Variants in ARMC2 observed in about 807,000 individuals in gnomAD.
ARMC2 encodes armadillo repeat-containing protein 2.
A neutral mutation model predicts 90.3 loss-of-function variants in ARMC2; 67 were observed. The ratio of observed to expected loss-of-function variants is 0.74; its 90% CI spans 0.61 to 0.91. The LOEUF is 0.91. ARMC2 is among the 40% of genes least tolerant of loss of function. The pLI, the probability that ARMC2 is intolerant of heterozygous loss-of-function variation, is 0.00. For synonymous variants in ARMC2, 393 were observed against 393.0 expected (o/e 1.00, Z 0.00); for missense variants, 920 against 1,030.9 (o/e 0.89, Z 1.47).
chr6:108,931,412 G>C (rs768652492), intron 11 of ARMC2, among the ~76,000 whole-genome samples: 1 of 151,856 alleles, frequency 6.6e-6, no homozygotes, highest in Non-Finnish European at 1.5e-5. Flanking sequence ...ATTGTAGAAT[G>C]ATTTATTTTC....
chr6:109,006,131 T>C, the ARMC2 span, among the ~76,000 whole-genome samples: 1 of 152,174 alleles, frequency 6.6e-6, no homozygotes, highest in Non-Finnish European at 1.5e-5. Context: ...TTATACTACC[T>C]GTAAACAAAG....
intron 5 of ARMC2, chr6:108,879,987 G>T (rs867517208): frequency 2.1e-6 from 1 of 467,020 alleles, no homozygotes; most frequent in Non-Finnish European, 4.4e-6. Flanking sequence ...ATAAACTATC[G>T]AGTGCTCTTA....
chr6:108,928,121 T>A lies in ARMC2; in HGVS notation c.1384T>A (p.Ser462Thr). The change falls in exon 11 of 18, where the codon TCA becomes ACA. Residue 462 changes from serine to threonine, a missense_variant. By Grantham distance (58) the Ser-to-Thr change is moderately conservative. Coordinates refer to ENST00000392644, the MANE Select transcript of ARMC2 (RefSeq NM_032131.6). ...TATLRNLVDS[S>T]LVRSKFLNIS... is the part of the protein sequence containing the mutation. ...TACATTGAGAAACTTGGTTGATTCA[T>A]CATTAGTAAGAAGTAAGTTCCTAAA... 3 of 1,612,926 alleles carry A rather than the reference T, an allele frequency of 1.9e-6. No individual in the cohort carries two copies. The highest frequency in any genetic ancestry group is 1.7e-4 in the Middle Eastern group (1 of 6,046).
intron 1 of ARMC2, among the ~76,000 whole-genome samples, chr6:108,852,656 T>C (rs888823220): frequency 6.6e-6 from 1 of 152,174 alleles, no homozygotes; most frequent in African/African-American, 2.4e-5. Context: ...CCCACAGAAC[T>C]TTCTCTAATC....
chr6:108,870,077 TACCAGGAGCTGACAGA>T (rs1342533063), intron 4 of ARMC2, among the ~76,000 whole-genome samples: 2 of 152,150 alleles, frequency 1.3e-5, no homozygotes, highest in Non-Finnish European at 2.9e-5. Flanking sequence ...GAAACCACTT[TACCAGGAGCTGACAGA>T]ACTGGTTCTC....
chr6:108,883,782 T>C (rs759007368), intron 5 of ARMC2, among the ~76,000 whole-genome samples: 1 of 152,244 alleles, frequency 6.6e-6, no homozygotes, highest in Non-Finnish European at 1.5e-5. Context: ...TAATGCTTTT[T>C]CACTACAATA....
intron 10 of ARMC2, among the ~76,000 whole-genome samples, chr6:108,920,828 G>C (rs1392467555): frequency 1.3e-5 from 2 of 152,160 alleles, no homozygotes; most frequent in Non-Finnish European, 2.9e-5. Context: ...ACTTCTAAAA[G>C]AGGAAGGGAA....
intron 12 of ARMC2, among the ~76,000 whole-genome samples, chr6:108,945,495 C>T (rs957497470): frequency 5.3e-5 from 8 of 152,206 alleles, no homozygotes; most frequent in Non-Finnish European, 1.0e-4. Flanking sequence ...CGTTTAGATA[C>T]GGTTAATTTC....
Position 108,964,278 on chromosome 6 carries a change from C to A in ARMC2, c.2251C>A (p.Arg751Ser). Residue 751 changes from arginine to serine, a missense_variant, in exon 16 of 18, where the codon CGT (arginine) becomes AGT (serine). Physicochemically the swap from Arg to Ser is moderately radical, Grantham distance 110 (BLOSUM62 -1). Transcript: ENST00000392644. ...CAATCTCACTGTGGATAAAGACAAG[C>A]GTGTCATCTTGAAAGAAGGAGGTGG... ...LLNLTVDKDK[R>S]VILKEGGGIK... 2 of 1,613,876 alleles carry A rather than the reference C, an allele frequency of 1.2e-6. No individual in the cohort carries two copies. The highest frequency in any genetic ancestry group is 1.7e-6 in the Non-Finnish European group (2 of 1,179,850).
At chr6:108,907,476 T>TA (rs1772874642) in intron 8 of ARMC2, 3 of 462,550 alleles carry the variant, frequency 6.5e-6, no homozygotes, top group Non-Finnish European at 1.1e-5. Context: ...TTTTTTTTTT[T>TA]TACCAGTCAT....
In ARMC2 at chr6:108,927,733, A is replaced by G. The variant is rs897645009; in HGVS notation, c.1351-355A>G. On this transcript the variant is annotated intron_variant, in intron 10 of 17. Transcript: ENST00000392644. ...TTAAAAAAAAAAAAGAAAGAAAAAC[A>G]TAGAACAAGAAGTTTCTAATCTGCA... Among the ~76,000 whole-genome samples, 4 of 152,164 alleles carry G rather than the reference A, an allele frequency of 2.6e-5. No individual in the cohort carries two copies. In the East Asian group the frequency reaches 5.8e-4, roughly 22 times the overall value.
rs151149471 is a variant in ARMC2, at chr6:108,849,618, GGAAAT to G, written c.-44+1075_-44+1079del. Among the ~76,000 whole-genome samples, 772 of 152,192 alleles carry G rather than the reference GGAAAT, an allele frequency of 5.1e-3. 8 individuals carry two copies. The highest frequency in any genetic ancestry group is 7.0e-3 in the Non-Finnish European group (479 of 68,006). Reference sequence around the variant, plus strand: ...TTTTTAAATGTAGTTTTTCATTCGTGGAAATGATTTTGCTGTATCCTTTTATCATG... The same window carrying G: ...TTTTTAAATGTAGTTTTTCATTCGTGGATTTTGCTGTATCCTTTTATCATG... On this transcript the variant is annotated intron_variant, in intron 1 of 17. Transcript: ENST00000392644.
the ARMC2 span, chr6:108,990,983 A>G: frequency 1.6e-6 from 1 of 635,690 alleles, no homozygotes; most frequent in Admixed American, 3.2e-5. Flanking sequence ...TTACACTCCA[A>G]TCTTTTTTTC....
At chr6:108,980,950 G>A in the ARMC2 span, among the ~76,000 whole-genome samples, 3 of 152,092 alleles carry the variant, frequency 2.0e-5, no homozygotes, top group Non-Finnish European at 4.4e-5. Context: ...TCTGAGAATG[G>A]TTCTAGTCTA....
At chr6:109,046,145 C>G in the ARMC2 span, among the ~76,000 whole-genome samples, 1 of 152,118 alleles carries the variant, frequency 6.6e-6, no homozygotes, top group Non-Finnish European at 1.5e-5. Flanking sequence ...TCATGCGGAG[C>G]CGAAGCTGGA....
chr6:109,019,272 A>C, the ARMC2 span, among the ~76,000 whole-genome samples: 1 of 152,228 alleles, frequency 6.6e-6, no homozygotes, highest in Non-Finnish European at 1.5e-5. Flanking sequence ...GGAGGATCCA[A>C]GCTAGTCTGT....
At chr6:108,936,351 A>C (rs571290195) in intron 11 of ARMC2, among the ~76,000 whole-genome samples, 15 of 152,160 alleles carry the variant, frequency 9.9e-5, no homozygotes, top group Admixed American at 1.3e-4. Context: ...CTGCCTCCTG[A>C]GTTCAAGCAG....
chr6:108,989,592 GAT>G, the ARMC2 span, among the ~76,000 whole-genome samples: 2 of 142,168 alleles, frequency 1.4e-5, no homozygotes, highest in African/African-American at 5.4e-5. Context: ...TATAGAGAGA[GAT>G]AGAGAGAGAT....
the ARMC2 span, among the ~76,000 whole-genome samples, chr6:109,041,603 G>A: frequency 2.0e-5 from 3 of 151,848 alleles, no homozygotes; most frequent in Non-Finnish European, 2.9e-5. Flanking sequence ...CAGAGACAAG[G>A]AGGGACATTA....
Sources: allele counts gnomAD v4.1 joint callset (sites outside exome capture counted in the v4.1 genomes callset), GRCh38; gene constraint gnomAD v4.1.1; transcripts MANE v1.5; gene names NCBI Gene and HGNC (gene_info 2026-07-23, HGNC 2026-07-21).